Variants in SLIT3 observed in about 807,000 individuals in gnomAD.
The protein encoded by SLIT3 is slit guidance ligand 3, also known as slit homolog 3 protein.
Under a neutral mutation model 184.0 loss-of-function variants are expected in SLIT3, and 68 were observed. That is an observed-to-expected ratio of 0.37 (90% CI 0.30 to 0.45). SLIT3 has a LOEUF of 0.45. SLIT3 is among the 20% of genes least tolerant of loss of function. The pLI is 1.00. For synonymous variants in SLIT3, 831 were observed against 828.6 expected (o/e 1.00, Z -0.05); for missense variants, 1,707 against 2,026.0 (o/e 0.84, Z 3.02).
At chr5:169,203,032 G>A (rs1763951422) in intron 3 of SLIT3, among the ~76,000 whole-genome samples, 1 of 152,156 alleles carries the variant, frequency 6.6e-6, no homozygotes, top group Admixed American at 6.5e-5. Context: ...GGGTGAGGGA[G>A]AAGATGGACA....
At chr5:168,875,754 AAGGGAGGATAAG>A (rs1396906096) in intron 5 of SLIT3, among the ~76,000 whole-genome samples, 2 of 151,724 alleles carry the variant, frequency 1.3e-5, no homozygotes, top group Non-Finnish European at 2.9e-5. Flanking sequence ...AATGAGGGGG[AAGGGAGGATAAG>A]AGGGAGGAAA....
chr5:168,831,633 T>C (rs1011216219), intron 6 of SLIT3, among the ~76,000 whole-genome samples: 3 of 152,174 alleles, frequency 2.0e-5, no homozygotes, highest in African/African-American at 7.2e-5. Context: ...GTCTCAATAT[T>C]TGTACCCGAC....
At chr5:169,262,777 A>C (rs1436900942) in intron 1 of SLIT3, among the ~76,000 whole-genome samples, 5 of 152,150 alleles carry the variant, frequency 3.3e-5, no homozygotes, top group African/African-American at 1.2e-4. Context: ...AGCACCTATC[A>C]GATCCAGGAA....
At chr5:169,085,369 G>A (rs296011) in intron 4 of SLIT3, among the ~76,000 whole-genome samples, 38,676 of 152,086 alleles carry the variant, frequency 0.25, 6,362 homozygotes, top group African/African-American at 0.46. Flanking sequence ...TTCTGACCCA[G>A]TGAGCAGACC....
intron 4 of SLIT3, among the ~76,000 whole-genome samples, chr5:169,182,603 T>C (rs1203664824): frequency 6.6e-6 from 1 of 152,202 alleles, no homozygotes; most frequent in African/African-American, 2.4e-5. Context: ...TGAGAGATAA[T>C]TAGGCTCTTT....
chr5:169,044,289 A>T (rs1757548427), intron 4 of SLIT3, among the ~76,000 whole-genome samples: 1 of 152,236 alleles, frequency 6.6e-6, no homozygotes, highest in Admixed American at 6.5e-5. Flanking sequence ...GCTCCTATGT[A>T]TATACCTAAT....
rs921715031 is a variant in SLIT3, at chr5:169,068,167, A to C, written c.413+125312T>G. 2.6e-5 allele frequency among the ~76,000 whole-genome samples: 4 copies of C among 152,342 alleles called. No homozygotes were observed. The South Asian group carries it at 8.3e-4, about 32-fold the overall frequency. On this transcript the variant is annotated intron_variant, in intron 4 of 35. Transcript: ENST00000519560. ...CCCCTCTCAGTTGTAAAAGTACAAT[A>C]AATCTGCTGTAAGGGAACTCTCACT...
chr5:169,199,316 G>A (rs940814360), intron 3 of SLIT3, among the ~76,000 whole-genome samples: 1 of 152,018 alleles, frequency 6.6e-6, no homozygotes. Flanking sequence ...TAATCGGCTG[G>A]GTTTTGTGAC....
chr5:168,762,090 CTTTT>C (rs11445648), intron 15 of SLIT3, among the ~76,000 whole-genome samples: 2 of 148,300 alleles, frequency 1.3e-5, no homozygotes, highest in Admixed American at 6.8e-5. Flanking sequence ...TTTTTTAGCT[CTTTT>C]TTTTTTGATA....
At chr5:169,073,286 A>C (rs903323251) in intron 4 of SLIT3, among the ~76,000 whole-genome samples, 2 of 152,156 alleles carry the variant, frequency 1.3e-5, no homozygotes, top group African/African-American at 2.4e-5. Context: ...GCCCCGCAGG[A>C]TGAACACCTG....
Position 168,696,272 on chromosome 5 carries a change from T to TAC in SLIT3, c.3082+18_3082+19dup. ...CGACACCCCTCCACCCCACCATACATACAGTCATGAGATCCTTACCTGTGT... is the reference window on the plus strand; with the variant it reads ...CGACACCCCTCCACCCCACCATACATACACAGTCATGAGATCCTTACCTGTGT... On this transcript the variant is annotated intron_variant, in intron 28 of 35. Coordinates refer to ENST00000519560, the MANE Select transcript of SLIT3 (RefSeq NM_003062.4). 6.2e-7 allele frequency: 1 copy of TAC among 1,614,030 alleles called. No homozygotes were observed. Among genetic ancestry groups the TAC allele is most frequent in the Non-Finnish European group, 8.5e-7 (1 of 1,179,938 alleles).
In SLIT3 at chr5:168,753,950, G is replaced by A; in HGVS notation, c.1743C>T (p.Ala581=). 1 of 1,611,384 alleles carries A rather than the reference G, an allele frequency of 6.2e-7. No homozygotes were observed. The change falls in exon 17 of 36, where the codon GCC becomes GCT. Residue 581 remains alanine (A), a synonymous_variant. Transcript: ENST00000519560. The stretch of plus-strand genomic sequence containing the variant: ...CTGTCAGCATCAGCTCCTGCACGCT[G>A]GCTGCTCCATCGAAAGCTCCCTCTC... ...EVREGAFDGA[A]SVQELMLTGN... is the part of the protein sequence containing the mutation.
At position 168,693,002 on chromosome 5, in the gene SLIT3, G is replaced by A. The variant is rs150929809; in HGVS notation, c.3083-302C>T. Reference sequence around the variant, plus strand: ...GGGGCAGGGGCAGGTGCAGCTGAGAGCACAGGATGCCTGGCCCTCACTTTG... The same window carrying A: ...GGGGCAGGGGCAGGTGCAGCTGAGAACACAGGATGCCTGGCCCTCACTTTG... On this transcript the variant is annotated intron_variant, in intron 28 of 35. Transcript: ENST00000519560. 2.2e-3 allele frequency among the ~76,000 whole-genome samples: 342 copies of A among 152,320 alleles called. 1 individual carries two copies. The highest frequency in any genetic ancestry group is 0.01 in the Middle Eastern group (3 of 294).
At chr5:168,816,031 A>G (rs1372096791) in intron 8 of SLIT3, among the ~76,000 whole-genome samples, 2 of 152,210 alleles carry the variant, frequency 1.3e-5, no homozygotes, top group Admixed American at 6.5e-5. Flanking sequence ...AAATTTCTCA[A>G]CTGAATGCTT....
intron 4 of SLIT3, among the ~76,000 whole-genome samples, chr5:169,059,924 C>A (rs941517989): frequency 6.6e-6 from 1 of 152,140 alleles, no homozygotes; most frequent in Non-Finnish European, 1.5e-5. Flanking sequence ...GAGGCAGAGC[C>A]TTTTTGAATG....
At chr5:169,152,101 C>T (rs1762133936) in intron 4 of SLIT3, among the ~76,000 whole-genome samples, 1 of 152,134 alleles carries the variant, frequency 6.6e-6, no homozygotes, top group South Asian at 2.1e-4. Flanking sequence ...TTTCCTTGAC[C>T]AGGCAACACT....
At chr5:169,031,522 G>T (rs769486598) in intron 4 of SLIT3, among the ~76,000 whole-genome samples, 1 of 152,208 alleles carries the variant, frequency 6.6e-6, no homozygotes, top group African/African-American at 2.4e-5. Flanking sequence ...GGGAATTACA[G>T]TTCATGGAGG....
chr5:169,016,514 C>A (rs1026125504), intron 4 of SLIT3, among the ~76,000 whole-genome samples: 1 of 152,168 alleles, frequency 6.6e-6, no homozygotes, highest in Admixed American at 6.5e-5. Flanking sequence ...TTAAGTGTAT[C>A]TATTCCTATT....
rs755081748 is a variant in SLIT3 at position 168,789,663 on chromosome 5, T to G, written c.1008-32A>C. The G allele has an allele frequency of 2.5e-6, 4 of 1,573,680 alleles. No individual in the cohort carries two copies. In the Admixed American group the frequency reaches 5.0e-5, roughly 20 times the overall value. ...ACGTTAACGGTAAAGTCTGAGAACATGGCTCAAAGGTGCGATAACGGTCAC... is the reference window on the plus strand; with the variant it reads ...ACGTTAACGGTAAAGTCTGAGAACAGGGCTCAAAGGTGCGATAACGGTCAC... On this transcript the variant is annotated intron_variant, in intron 10 of 35. Transcript: ENST00000519560.
Sources: gnomAD v4.1 joint callset for allele counts (sites outside exome capture counted in the v4.1 genomes callset) on GRCh38, gnomAD v4.1.1 for gene constraint, MANE v1.5 for transcripts, NCBI Gene and HGNC (gene_info 2026-07-23, HGNC 2026-07-21) for gene names.